Variants in EIF2D observed in about 807,000 individuals in gnomAD.
The protein encoded by EIF2D is hepatocellular carcinoma-associated antigen 56.
A neutral mutation model predicts 77.4 loss-of-function variants in EIF2D; 56 were observed. The ratio of observed to expected loss-of-function variants is 0.72; its 90% confidence interval spans 0.58 to 0.90. The LOEUF is 0.90. EIF2D is among the 40% of genes least tolerant of loss of function. The pLI is 0.00. For synonymous variants in EIF2D, 230 were observed against 271.0 expected (o/e 0.85, Z 1.49); for missense variants, 574 against 706.5 (o/e 0.81, Z 2.13).
chr1:206,591,608 T>G, downstream of EIF2D: 1 of 669,878 alleles, frequency 1.5e-6, no homozygotes, highest in Non-Finnish European at 2.5e-6. Flanking sequence ...TTAGTACATT[T>G]TAGCTAAGTG....
chr1:206,605,456 C>T lies in EIF2D; in HGVS notation c.474G>A (p.Thr158=), dbSNP rs782060879. 1.3e-5 allele frequency: 21 copies of T among 1,614,000 alleles called. No individual in the cohort carries two copies. The highest frequency in any genetic ancestry group is 7.7e-5 in the South Asian group (7 of 91,070). ...VAAMSTAEML[T]SGLKGRGFSV... is the part of the protein sequence containing the mutation. ...AGAAGCCCCTTCCCTTCAGGCCTGA[C>T]GTGAGCATCTCAGCTGTGGACATGG... Residue 158 remains threonine, a synonymous_variant, in exon 5 of 15, where the codon ACG becomes ACA. Coordinates refer to ENST00000271764, the MANE Select transcript of EIF2D (RefSeq NM_006893.3).
chr1:206,578,078 T>C (rs1389927584), intron 4 of EIF2D, among the ~76,000 whole-genome samples: 1 of 145,050 alleles, frequency 6.9e-6, no homozygotes, highest in Admixed American at 6.9e-5. Flanking sequence ...ATAAAAAAAA[T>C]TAGCCAGGAG....
chr1:206,584,424 A>C lies in EIF2D; in HGVS notation c.139-3262T>G. ...ACCTACACGGGTTTCATCAAAGTGC[A>C]TCTGAAACTCCGGCGGCCTGTGACG... On this transcript the variant is annotated intron_variant and NMD_transcript_variant, in intron 2 of 5. Coordinates refer to the EIF2D transcript ENST00000472709. This position sits in a 1 kb window ranked among gnomAD's most constrained non-coding sequence, Gnocchi z 4.9. 6 of 1,614,096 alleles carry C rather than the reference A, an allele frequency of 3.7e-6. No homozygotes were observed. The highest frequency in any genetic ancestry group is 5.1e-6 in the Non-Finnish European group (6 of 1,179,966).
chr1:206,570,258 A>T (rs1161127244), downstream of EIF2D, among the ~76,000 whole-genome samples: 1 of 151,382 alleles, frequency 6.6e-6, no homozygotes, highest in Non-Finnish European at 1.5e-5. Context: ...CGCTTGGCTA[A>T]TTTTTTTGTA....
intron 3 of EIF2D, among the ~76,000 whole-genome samples, chr1:206,608,675 T>C (rs1332510365): frequency 6.6e-6 from 1 of 152,212 alleles, no homozygotes; most frequent in Non-Finnish European, 1.5e-5. Flanking sequence ...CATTTATTTT[T>C]ATTCAAATGG....
At position 206,611,392 on chromosome 1, in the gene EIF2D, G is replaced by A; in HGVS notation, c.57-18C>T. ...GCTTTCTCCTGTGGAAAGCACACCA[G>A]CACTGTGAATGCTGCCTGGACAGAC... On this transcript the variant is annotated intron_variant, in intron 1 of 14. Transcript: ENST00000271764. 1 of 1,604,738 alleles carries A rather than the reference G, an allele frequency of 6.2e-7. No individual in the cohort carries two copies. The highest frequency in any genetic ancestry group is 8.5e-7 in the Non-Finnish European group (1 of 1,173,280).
chr1:206,605,588 T>A, intron 4 of EIF2D, 81 bp from the exon 5 acceptor site: 2 of 1,222,838 alleles, frequency 1.6e-6, no homozygotes, highest in African/African-American at 1.5e-5. Flanking sequence ...CTGACACATG[T>A]GGTAAAAATA....
chr1:206,602,605 T>C (rs1159022209), intron 6 of EIF2D, 152 bp from the exon 7 acceptor site: 6 of 707,494 alleles, frequency 8.5e-6, no homozygotes, highest in Non-Finnish European at 7.2e-6. Context: ...TCTTGAGCAC[T>C]GAGCCTTTAA....
chr1:206,570,078 CTTTTTTTTTTTTTTT>C (rs375900760), downstream of EIF2D, among the ~76,000 whole-genome samples: 1 of 119,378 alleles, frequency 8.4e-6, no homozygotes, highest in African/African-American at 3.3e-5. Flanking sequence ...TAAAATTTAC[CTTTTTTTTTTTTTTT>C]TTTTTTTTTT....
At chr1:206,583,300 G>A (rs782012174) in intron 2 of EIF2D, 57 of 1,613,460 alleles carry the variant, frequency 3.5e-5, no homozygotes, top group African/African-American at 8.0e-5. Context: ...GAGACACAGC[G>A]CCCGCCCACA....
At chr1:206,610,830 T>A (rs965892512) in intron 2 of EIF2D, among the ~76,000 whole-genome samples, 3 of 152,108 alleles carry the variant, frequency 2.0e-5, no homozygotes, top group Non-Finnish European at 4.4e-5. Flanking sequence ...CATGAAGACA[T>A]GCCCTGAAAT....
At chr1:206,570,248 C>T (rs531439969), downstream of EIF2D, among the ~76,000 whole-genome samples, 3 of 151,882 alleles carry the variant, frequency 2.0e-5, no homozygotes, top group Admixed American at 6.6e-5. Context: ...TGGACCACCA[C>T]GCTTGGCTAA....
In EIF2D at chr1:206,591,642, T is replaced by G; in HGVS notation, c.*133A>C. On this transcript the variant is annotated 3_prime_UTR_variant, in exon 15 of 15. Transcript: ENST00000271764. ...TGGAGGAAACAAGAGGGAAGTCAGATTTAGATTAGAATAAAAATTTATTTT... is the reference window on the plus strand; with the variant it reads ...TGGAGGAAACAAGAGGGAAGTCAGAGTTAGATTAGAATAAAAATTTATTTT... 2.4e-6 allele frequency: 2 copies of G among 838,006 alleles called. No homozygotes were observed. Among genetic ancestry groups the G allele is most frequent in the Non-Finnish European group, 3.8e-6 (2 of 530,990 alleles). The allele number at this position is 838,006 out of a possible 1,614,324, so 51.9% of individuals were successfully genotyped here.
intron 2 of EIF2D, among the ~76,000 whole-genome samples, chr1:206,581,736 C>T (rs1553406377): frequency 1.3e-5 from 2 of 152,132 alleles, no homozygotes; most frequent in Non-Finnish European, 2.9e-5. Context: ...GGAGCCACGC[C>T]AGCTCCTCTT....
At chr1:206,602,755 A>G (rs1572402944) in intron 6 of EIF2D, 196 bp downstream of exon 6, 2 of 824,092 alleles carry the variant, frequency 2.4e-6, no homozygotes, top group Non-Finnish European at 1.9e-6. Flanking sequence ...ATTAGCTCCC[A>G]GGAAGACGTG....
intron 5 of EIF2D, among the ~76,000 whole-genome samples, chr1:206,603,723 G>A (rs958304691): frequency 6.6e-5 from 10 of 152,228 alleles, no homozygotes; most frequent in Non-Finnish European, 1.5e-5. Context: ...GTCTAACGTG[G>A]AAAGCAGAGA....
At chr1:206,602,860 A>T in intron 6 of EIF2D, 91 bp downstream of exon 6, 5 of 1,520,448 alleles carry the variant, frequency 3.3e-6, no homozygotes, top group Non-Finnish European at 4.4e-6. Flanking sequence ...CCGGAAGCTT[A>T]AGGGCCATTC....
intron 12 of EIF2D, among the ~76,000 whole-genome samples, chr1:206,596,826 C>T (rs1162905666): frequency 6.6e-6 from 1 of 152,142 alleles, no homozygotes; most frequent in African/African-American, 2.4e-5. Context: ...GCTGGGACTA[C>T]AGGCATGCAC....
intron 4 of EIF2D, among the ~76,000 whole-genome samples, chr1:206,580,375 G>A (rs1668822403): frequency 6.6e-6 from 1 of 152,186 alleles, no homozygotes; most frequent in Admixed American, 6.5e-5. Flanking sequence ...TTATAGACAA[G>A]TATGAGAAAG....
Sources: allele counts gnomAD v4.1 joint callset (sites outside exome capture counted in the v4.1 genomes callset), GRCh38; gene constraint gnomAD v4.1.1; non-coding constraint Gnocchi (gnomAD v3.1); transcripts MANE v1.5; gene names NCBI Gene and HGNC (gene_info 2026-07-23, HGNC 2026-07-21).